The following MERTK variants were observed in gnomAD, a reference collection of about 807,000 sequenced individuals.
MERTK encodes the protein MER proto-oncogene, tyrosine kinase, also known as tyrosine-protein kinase Mer.
Under a neutral mutation model 99.3 loss-of-function variants are expected in MERTK, and 69 were observed. The observed-to-expected ratio is 0.70, with a 90% CI of 0.57 to 0.85. The LOEUF is 0.85. Among genes scored for constraint, MERTK ranks in the 40% least tolerant of loss-of-function variants. MERTK has a pLI of 0.00. For synonymous variants in MERTK, 426 were observed against 467.6 expected, an observed-to-expected ratio of 0.91 and a Z score of 1.15; for missense variants, 1,125 against 1,249.4, an observed-to-expected ratio of 0.90 and a Z score of 1.50.
chr2:111,898,792 T>C lies in MERTK; in HGVS notation c.57T>C (p.Arg19=). The change falls in exon 1 of 19, where the codon CGT becomes CGC. Residue 19 remains arginine, a synonymous_variant. Transcript: ENST00000295408. ...LLGLFLPALW[R]RAITEAREEA... ...GCCTCTTCCTCCCCGCGCTCTGGCG[T>C]AGAGGTGAGTGCGCCCGGCTGGGGG... The C allele has an allele frequency of 6.3e-7, 1 of 1,593,292 alleles. No individual in the cohort carries two copies. Among genetic ancestry groups the C allele is most frequent in the Non-Finnish European group, 8.5e-7 (1 of 1,170,888 alleles).
chr2:112,001,314 G>T, intron 11 of MERTK, 28 bp downstream of exon 11: 2 of 1,559,772 alleles, frequency 1.3e-6, no homozygotes, highest in Non-Finnish European at 1.8e-6. Flanking sequence ...TCCCTTTTTG[G>T]CAAAAGTTAA....
chr2:111,973,705 A>G (rs561084641), intron 6 of MERTK, among the ~76,000 whole-genome samples: 2 of 152,264 alleles, frequency 1.3e-5, no homozygotes, highest in African/African-American at 2.4e-5. Flanking sequence ...TAAGTGCCAC[A>G]TATTACAGAA....
At chr2:112,024,603 C>A (rs1448811793) in intron 18 of MERTK, among the ~76,000 whole-genome samples, 3 of 152,210 alleles carry the variant, frequency 2.0e-5, no homozygotes, top group African/African-American at 7.2e-5. Context: ...CCCAAAGAGG[C>A]CTCTGTTCCA....
intron 15 of MERTK, among the ~76,000 whole-genome samples, chr2:112,014,424 G>A (rs1319076595): frequency 6.6e-5 from 10 of 151,378 alleles, no homozygotes; most frequent in Non-Finnish European, 1.0e-4. Context: ...TCGGCCTCCC[G>A]AAGTGCTGGG....
intron 8 of MERTK, among the ~76,000 whole-genome samples, chr2:111,989,041 T>C (rs1419193543): frequency 6.6e-6 from 1 of 152,108 alleles, no homozygotes; most frequent in Non-Finnish European, 1.5e-5. Context: ...GTCATAAAGG[T>C]TGGGCTAAAA....
At chr2:111,944,900 C>T (rs576188309) in intron 2 of MERTK, 60 bp from the exon 3 acceptor site, 11 of 1,385,882 alleles carry the variant, frequency 7.9e-6, no homozygotes, top group South Asian at 4.7e-5. Flanking sequence ...AAGTTTCCAT[C>T]CTATAATAGG....
intron 5 of MERTK, among the ~76,000 whole-genome samples, chr2:111,967,883 C>T (rs1273985977): frequency 6.6e-6 from 1 of 152,142 alleles, no homozygotes; most frequent in Admixed American, 6.5e-5. Context: ...TCAAAGGTCT[C>T]CTCATTTCAT....
At chr2:111,965,325 G>A (rs748284385) in intron 5 of MERTK, 48 bp downstream of exon 5, 221 of 1,585,766 alleles carry the variant, frequency 1.4e-4, no homozygotes, top group Non-Finnish European at 1.9e-4. Context: ...GAGCTGGTGA[G>A]GGTACAGCAT....
chr2:112,004,816 C>T (rs1366086519), intron 13 of MERTK, among the ~76,000 whole-genome samples: 2 of 151,932 alleles, frequency 1.3e-5, no homozygotes, highest in Admixed American at 1.3e-4. Flanking sequence ...GCAGGAGAAT[C>T]ACTTGAACTC....
rs1287239442 is a variant in MERTK at position 111,997,479 on chromosome 2, A to G, written c.1604+3A>G. 1 of 1,613,496 alleles carries G rather than the reference A, an allele frequency of 6.2e-7. No individual in the cohort carries two copies. Among genetic ancestry groups the G allele is most frequent in the African/African-American group, 1.3e-5 (1 of 75,048 alleles). On this transcript the variant is annotated splice_donor_region_variant and intron_variant, in intron 10 of 18. Transcript: ENST00000295408. ...AGAGTCCAGGAGACAAAGTTTGGGT[A>G]AGTCTCCCAGCTAAAAATGTTTGCC... is the stretch of plus-strand genomic sequence containing the variant.
rs1284842348 is a variant in MERTK at position 111,898,768 on chromosome 2, C to G, written c.33C>G (p.Gly11=). MGPAPLPLLL[G]LFLPALWRRA... ...CGGCCCCGCTGCCGCTGCTGCTGGG[C>G]CTCTTCCTCCCCGCGCTCTGGCGTA... The change falls in exon 1 of 19, where the codon GGC becomes GGG. Residue 11 remains glycine, a synonymous_variant. Transcript: ENST00000295408. 1 of 1,602,778 alleles carries G rather than the reference C, an allele frequency of 6.2e-7. No individual in the cohort carries two copies.
In MERTK at chr2:111,997,480, A is replaced by T; in HGVS notation, c.1604+4A>T. 6.2e-7 allele frequency: 1 copy of T among 1,613,330 alleles called. No homozygotes were observed. The highest frequency in any genetic ancestry group is 8.5e-7 in the Non-Finnish European group (1 of 1,179,988). On this transcript the variant is annotated splice_donor_region_variant and intron_variant, in intron 10 of 18. Transcript: ENST00000295408. ...GAGTCCAGGAGACAAAGTTTGGGTA[A>T]GTCTCCCAGCTAAAAATGTTTGCCC...
intron 1 of MERTK, among the ~76,000 whole-genome samples, chr2:111,925,293 T>TATATATATATA (rs1553446655): frequency 1.1e-3 from 33 of 29,640 alleles, no homozygotes; most frequent in African/African-American, 2.6e-3. Context: ...TATATATATA[T>TATATATATATA]TTTTTTTTTT....
chr2:111,956,721 G>A (rs939964422), intron 4 of MERTK, among the ~76,000 whole-genome samples: 1 of 152,032 alleles, frequency 6.6e-6, no homozygotes, highest in Non-Finnish European at 1.5e-5. Context: ...GTGCAGTGGC[G>A]TGATCTCTAC....
intron 1 of MERTK, among the ~76,000 whole-genome samples, chr2:111,924,603 C>G (rs1684520800): frequency 6.6e-6 from 1 of 152,186 alleles, no homozygotes; most frequent in East Asian, 1.9e-4. Context: ...CAGAATCCCC[C>G]TCATCAAGCC....
chr2:111,910,775 C>G (rs1684232235), intron 1 of MERTK, among the ~76,000 whole-genome samples: 1 of 151,744 alleles, frequency 6.6e-6, no homozygotes, highest in Admixed American at 6.6e-5. Flanking sequence ...TAGGTGGAAG[C>G]TAAACAAAAA....
intron 7 of MERTK, among the ~76,000 whole-genome samples, chr2:111,978,436 C>A (rs1676298754): frequency 6.7e-6 from 1 of 150,088 alleles, no homozygotes; most frequent in Non-Finnish European, 1.5e-5. Context: ...TGAGCCACCA[C>A]ACCCAGCATG....
At chr2:111,985,727 C>T (rs941357615) in intron 8 of MERTK, among the ~76,000 whole-genome samples, 3 of 152,042 alleles carry the variant, frequency 2.0e-5, no homozygotes, top group Admixed American at 2.0e-4. Flanking sequence ...TAGGATCTCA[C>T]GAGACTCACT....
intron 1 of MERTK, among the ~76,000 whole-genome samples, chr2:111,925,902 G>T (rs1040409118): frequency 2.7e-5 from 4 of 150,720 alleles, no homozygotes; most frequent in Admixed American, 1.3e-4. Flanking sequence ...GCGCGATCTC[G>T]GCTCACTGCA....
Sources: allele counts gnomAD v4.1 joint callset (sites outside exome capture counted in the v4.1 genomes callset), GRCh38; gene constraint gnomAD v4.1.1; transcripts MANE v1.5; gene names NCBI Gene and HGNC (gene_info 2026-07-23, HGNC 2026-07-21).